The following EPHA6 variants were observed in gnomAD, a reference collection of about 807,000 sequenced individuals.
The protein encoded by EPHA6 is ephrin type-A receptor 6.
Under a neutral mutation model 112.0 loss-of-function variants are expected in EPHA6, and 50 were observed. The ratio of observed to expected loss-of-function variants is 0.45; its 90% CI spans 0.36 to 0.56. The LOEUF is 0.56. Ranked by LOEUF, EPHA6 falls within the 20% of genes least tolerant of loss-of-function variation. The pLI, the probability that EPHA6 is intolerant of heterozygous loss-of-function variation, is 0.00. For missense variants in EPHA6, 1,280 were observed against 1,417.4 expected, an observed-to-expected ratio of 0.90 and a Z score of 1.56; for synonymous variants, 529 against 490.7, an observed-to-expected ratio of 1.08 and a Z score of -1.03.
intron 7 of EPHA6, among the ~76,000 whole-genome samples, chr3:97,468,481 T>C: frequency 6.6e-6 from 1 of 150,854 alleles, no homozygotes; most frequent in East Asian, 2.0e-4. Flanking sequence ...TAATCTTATA[T>C]ATATTTTCCT....
intron 3 of EPHA6, among the ~76,000 whole-genome samples, chr3:97,081,024 G>A (rs1209055464): frequency 1.3e-5 from 2 of 151,818 alleles, no homozygotes; most frequent in Non-Finnish European, 2.9e-5. Context: ...TTTATGAAAT[G>A]TGGAGGTGAC....
At chr3:96,932,338 T>C (rs1364567721) in intron 2 of EPHA6, among the ~76,000 whole-genome samples, 1 of 152,216 alleles carries the variant, frequency 6.6e-6, no homozygotes, top group Non-Finnish European at 1.5e-5. Flanking sequence ...CTTTTTATCC[T>C]TTGTTTATCC....
intron 3 of EPHA6, among the ~76,000 whole-genome samples, chr3:96,994,726 TATATATAG>T (rs1379142970): frequency 0.015 from 1,197 of 78,250 alleles, 33 homozygotes; most frequent in African/African-American, 0.075. Flanking sequence ...TATATATATA[TATATATAG>T]AGAGAGAGAG....
intron 3 of EPHA6, among the ~76,000 whole-genome samples, chr3:97,099,956 A>G (rs991970425): frequency 6.6e-6 from 1 of 152,036 alleles, no homozygotes; most frequent in African/African-American, 2.4e-5. Context: ...TGCTTAGCAC[A>G]AAATTGGAAG....
rs529231604 is a variant in EPHA6 at position 97,710,836 on chromosome 3, A to G, written c.2785-9425A>G. 1.1e-4 allele frequency among the ~76,000 whole-genome samples: 17 copies of G among 152,362 alleles called. No homozygotes were observed. The South Asian group carries it at 1.2e-3, about 11-fold the overall frequency. On this transcript the variant is annotated intron_variant, in intron 14 of 17. Transcript: ENST00000389672. ...ACCCTTGTGTATACTTTGGAGTACT[A>G]TTCAAGTTTTCCATTCTTTTTGGAT...
intron 3 of EPHA6, among the ~76,000 whole-genome samples, chr3:97,208,858 T>A (rs2077787117): frequency 6.6e-6 from 1 of 152,180 alleles, no homozygotes. Flanking sequence ...CCTTGTATGA[T>A]AAATACAAAC....
At chr3:97,552,073 T>C (rs1437616) in intron 11 of EPHA6, among the ~76,000 whole-genome samples, 42,593 of 152,088 alleles carry the variant, frequency 0.28, 9,350 homozygotes, top group African/African-American at 0.6. Context: ...CTGTAATGTT[T>C]CAAATTATTC....
At chr3:97,696,040 T>C (rs181163398) in intron 14 of EPHA6, among the ~76,000 whole-genome samples, 5 of 152,364 alleles carry the variant, frequency 3.3e-5, no homozygotes, top group Admixed American at 2.6e-4. Context: ...CGATGATTTT[T>C]CACATAACTT....
chr3:97,690,683 G>C (rs536484637), intron 14 of EPHA6, among the ~76,000 whole-genome samples: 1 of 152,204 alleles, frequency 6.6e-6, no homozygotes. Context: ...GACCAGGCCG[G>C]TCTCGAACTC....
chr3:97,551,840 T>C (rs1279459666), intron 11 of EPHA6, among the ~76,000 whole-genome samples: 2 of 152,046 alleles, frequency 1.3e-5, no homozygotes, highest in Non-Finnish European at 2.9e-5. Flanking sequence ...GGAATACAAG[T>C]CTGGAAAGGA....
At chr3:97,438,739 T>C (rs2089983617) in intron 6 of EPHA6, among the ~76,000 whole-genome samples, 2 of 152,174 alleles carry the variant, frequency 1.3e-5, no homozygotes, top group South Asian at 4.1e-4. Context: ...CACCACCCAT[T>C]GATAGTTACT....
intron 2 of EPHA6, among the ~76,000 whole-genome samples, chr3:96,979,472 C>T (rs927331451): frequency 8.5e-5 from 13 of 152,150 alleles, no homozygotes; most frequent in Non-Finnish European, 1.8e-4. Context: ...TGGGTTGGTT[C>T]TAAGTCTTTG....
chr3:97,463,339 G>A (rs1245722064), intron 7 of EPHA6, among the ~76,000 whole-genome samples: 1 of 151,950 alleles, frequency 6.6e-6, no homozygotes, highest in Non-Finnish European at 1.5e-5. Context: ...ACTAAACAGA[G>A]GAATAGTGAT....
chr3:97,681,360 T>C (rs2031848267), intron 14 of EPHA6, among the ~76,000 whole-genome samples: 2 of 152,108 alleles, frequency 1.3e-5, no homozygotes, highest in Admixed American at 6.5e-5. Flanking sequence ...CAACAAGGAC[T>C]CTCTTCTACA....
intron 5 of EPHA6, among the ~76,000 whole-genome samples, chr3:97,357,976 T>C (rs1403853): frequency 0.99 from 151,424 of 152,210 alleles, 75,327 homozygotes; most frequent in East Asian, 1. Flanking sequence ...GCATGGCAGA[T>C]GCAGAAGATG....
chr3:97,656,232 T>A (rs2094137269), intron 14 of EPHA6, among the ~76,000 whole-genome samples: 2 of 151,970 alleles, frequency 1.3e-5, no homozygotes, highest in African/African-American at 2.4e-5. Context: ...ACTTCTTTAA[T>A]CAAAAAGTTG....
intron 1 of EPHA6, among the ~76,000 whole-genome samples, chr3:96,843,467 T>A (rs1308097098): frequency 1.3e-5 from 2 of 152,072 alleles, no homozygotes; most frequent in Non-Finnish European, 2.9e-5. Context: ...GAACCCTTTC[T>A]TTAAGGAAGT....
chr3:97,310,449 A>G (rs949827180), intron 5 of EPHA6, among the ~76,000 whole-genome samples: 1 of 151,498 alleles, frequency 6.6e-6, no homozygotes, highest in African/African-American at 2.4e-5. Flanking sequence ...GGGAAGCTCA[A>G]TGTAAGCATG....
intron 10 of EPHA6, among the ~76,000 whole-genome samples, chr3:97,502,701 G>A (rs1447444280): frequency 1.3e-5 from 2 of 151,286 alleles, no homozygotes; most frequent in Non-Finnish European, 2.9e-5. Context: ...GGGCATGGTG[G>A]CATGCACCTG....
Sources: allele counts gnomAD v4.1 joint callset (sites outside exome capture counted in the v4.1 genomes callset), GRCh38; gene constraint gnomAD v4.1.1; transcripts MANE v1.5; gene names NCBI Gene and HGNC (gene_info 2026-07-23, HGNC 2026-07-21).